The following HTR4 variants were observed in gnomAD, a reference collection of about 807,000 sequenced individuals.
The protein encoded by HTR4 is 5-hydroxytryptamine receptor 4.
In HTR4, 16 loss-of-function variants were observed where a neutral mutation model predicts 36.8. The observed-to-expected ratio is 0.43, with a 90% CI of 0.29 to 0.66. HTR4 has a LOEUF of 0.66. Among genes scored for constraint, HTR4 ranks in the 30% least tolerant of loss-of-function variants. The pLI is 0.13. For synonymous variants in HTR4, 189 were observed against 185.1 expected, an observed-to-expected ratio of 1.02 and a Z score of -0.17; for missense variants, 438 against 490.9, an observed-to-expected ratio of 0.89 and a Z score of 1.02.
At chr5:148,476,631 A>G (rs561282480), downstream of HTR4, 1 of 1,574,524 alleles carries the variant, frequency 6.4e-7, no homozygotes, top group South Asian at 1.2e-5. Context: ...ATTCTTCCAA[A>G]CAAATACATC....
At chr5:148,565,813 TCTC>T (rs760867947) in intron 2 of HTR4, among the ~76,000 whole-genome samples, 5 of 152,064 alleles carry the variant, frequency 3.3e-5, no homozygotes, top group South Asian at 2.1e-4. Flanking sequence ...ATCCACTACT[TCTC>T]CTCCTGCACC....
At chr5:148,524,094 T>C (rs1260700810) in intron 4 of HTR4, among the ~76,000 whole-genome samples, 1 of 152,028 alleles carries the variant, frequency 6.6e-6, no homozygotes, top group Non-Finnish European at 1.5e-5. Flanking sequence ...AAAATGCAGA[T>C]CCCAAGGATC....
intron 2 of HTR4, among the ~76,000 whole-genome samples, chr5:148,582,685 T>C (rs1419653661): frequency 6.6e-6 from 1 of 152,136 alleles, no homozygotes; most frequent in African/African-American, 2.4e-5. Context: ...ATTCTTTATA[T>C]AAAAGAATGG....
At chr5:148,462,228 C>T (rs1755294767) in intron 5 of HTR4, among the ~76,000 whole-genome samples, 1 of 151,770 alleles carries the variant, frequency 6.6e-6, no homozygotes, top group African/African-American at 2.4e-5. Flanking sequence ...AAACAAAAAG[C>T]TAGTTCTTTG....
chr5:148,590,645 T>G (rs1045135075), intron 2 of HTR4, among the ~76,000 whole-genome samples: 2 of 152,196 alleles, frequency 1.3e-5, no homozygotes, highest in African/African-American at 4.8e-5. Context: ...TCCTTCATAC[T>G]TAAGTGAGAG....
intron 6 of HTR4, among the ~76,000 whole-genome samples, chr5:148,506,659 A>G (rs1004590059): frequency 6.6e-6 from 1 of 152,194 alleles, no homozygotes; most frequent in African/African-American, 2.4e-5. Flanking sequence ...TCTACAAAGA[A>G]CTCAAACAAA....
At chr5:148,514,382 T>A (rs1757633989) in intron 5 of HTR4, among the ~76,000 whole-genome samples, 2 of 152,178 alleles carry the variant, frequency 1.3e-5, no homozygotes, top group South Asian at 2.1e-4. Flanking sequence ...CTCCCCTTTT[T>A]TTATTGATGC....
At chr5:148,530,546 T>C (rs1164325083) in intron 4 of HTR4, among the ~76,000 whole-genome samples, 1 of 152,224 alleles carries the variant, frequency 6.6e-6, no homozygotes, top group Non-Finnish European at 1.5e-5. Context: ...TGGAAATGCC[T>C]GGATGCCCAG....
rs1053675470 is a variant in HTR4 at position 148,566,713 on chromosome 5, T to C, written c.27-16451A>G. On this transcript the variant is annotated intron_variant, in intron 2 of 6. Coordinates refer to ENST00000377888, the MANE Select transcript of HTR4 (RefSeq NM_000870.7). The stretch of plus-strand genomic sequence containing the variant: ...TATATGTATGTGATACACATACACA[T>C]ACATGCTTACATATACAAACATATA... Among the ~76,000 whole-genome samples, 7 of 152,248 alleles carry C rather than the reference T, an allele frequency of 4.6e-5. No individual in the cohort carries two copies. The South Asian group carries it at 1.5e-3, about 32-fold the overall frequency.
chr5:148,509,345 A>C, intron 6 of HTR4, 111 bp downstream of exon 6: 1 of 761,862 alleles, frequency 1.3e-6, no homozygotes, highest in Non-Finnish European at 2.1e-6. Context: ...TAATCTTTGC[A>C]AACTCTATGC....
intron 6 of HTR4, chr5:148,509,174 T>C (rs1757370146): frequency 2.9e-6 from 1 of 349,732 alleles, no homozygotes; most frequent in African/African-American, 2.1e-5. Context: ...GTGATTATTA[T>C]CTTAAGTTTT....
At chr5:148,639,444 C>G (rs1753656330) in intron 1 of HTR4, among the ~76,000 whole-genome samples, 1 of 151,928 alleles carries the variant, frequency 6.6e-6, no homozygotes, top group South Asian at 2.1e-4. Context: ...GGCCTTTTCA[C>G]TTTGTCTCTT....
At chr5:148,550,058 T>C in intron 3 of HTR4, 79 bp downstream of exon 3, 2 of 1,411,632 alleles carry the variant, frequency 1.4e-6, no homozygotes, top group Non-Finnish European at 9.6e-7. Flanking sequence ...CAAATTCTAA[T>C]AGAAATGTTC....
At chr5:148,490,573 T>C in intron 6 of HTR4, 1 of 1,126,592 alleles carries the variant, frequency 8.9e-7, no homozygotes, top group Non-Finnish European at 1.1e-6. Context: ...AAAAAGGGGC[T>C]GAGAACGTGT....
chr5:148,547,149 G>A (rs559741035), intron 4 of HTR4, among the ~76,000 whole-genome samples: 584 of 152,282 alleles, frequency 3.8e-3, no homozygotes, highest in Non-Finnish European at 4.9e-3. Context: ...TATGTCCCAT[G>A]AAATAGGAGA....
chr5:148,549,188 C>T (rs1029591529), intron 3 of HTR4, among the ~76,000 whole-genome samples: 2 of 152,116 alleles, frequency 1.3e-5, no homozygotes, highest in Non-Finnish European at 2.9e-5. Flanking sequence ...ATATAGGTCC[C>T]TTTTGAGGGC....
intron 5 of HTR4, among the ~76,000 whole-genome samples, chr5:148,467,275 A>G (rs1474377302): frequency 6.6e-6 from 1 of 152,348 alleles, no homozygotes; most frequent in East Asian, 1.9e-4. Flanking sequence ...TCTGGCATAT[A>G]TATGTTATTT....
At chr5:148,573,929 G>C (rs1760781065) in intron 2 of HTR4, among the ~76,000 whole-genome samples, 2 of 151,992 alleles carry the variant, frequency 1.3e-5, no homozygotes, top group Admixed American at 1.3e-4. Flanking sequence ...AACAGAACTA[G>C]GAATTATGGA....
At chr5:148,531,082 A>T (rs1758542793) in intron 4 of HTR4, among the ~76,000 whole-genome samples, 1 of 152,194 alleles carries the variant, frequency 6.6e-6, no homozygotes, top group African/African-American at 2.4e-5. Flanking sequence ...GGCAGAAGGG[A>T]CTTGCCTTGT....
Sources: allele counts gnomAD v4.1 joint callset (sites outside exome capture counted in the v4.1 genomes callset), GRCh38; gene constraint gnomAD v4.1.1; transcripts MANE v1.5; gene names NCBI Gene and HGNC (gene_info 2026-07-23, HGNC 2026-07-21).